The following DIXDC1 variants were observed in gnomAD, a reference collection of about 807,000 sequenced individuals.
DIXDC1 encodes dixin.
DIXDC1 carries 64 observed loss-of-function variants against 103.1 expected under a neutral mutation model. The observed-to-expected ratio is 0.62, with a 90% confidence interval of 0.51 to 0.76. The LOEUF is 0.76. DIXDC1 is among the 30% of genes least tolerant of loss of function. The pLI is 0.00. For synonymous variants in DIXDC1, 266 were observed against 298.5 expected (o/e 0.89, Z 1.12); for missense variants, 759 against 834.2 (o/e 0.91, Z 1.11).
At chr11:111,991,953 A>C (rs782537659) in intron 10 of DIXDC1, among the ~76,000 whole-genome samples, 1 of 152,168 alleles carries the variant, frequency 6.6e-6, no homozygotes, top group Non-Finnish European at 1.5e-5. Flanking sequence ...TAGAAGGAAA[A>C]ACAGCTAATC....
intron 17 of DIXDC1, among the ~76,000 whole-genome samples, chr11:112,014,309 T>A (rs1861520591): frequency 6.6e-6 from 1 of 152,244 alleles, no homozygotes; most frequent in African/African-American, 2.4e-5. Flanking sequence ...TCTTGAACTC[T>A]TACCCTGTCA....
upstream of DIXDC1, among the ~76,000 whole-genome samples, chr11:111,932,713 G>T (rs1966069552): frequency 6.6e-6 from 1 of 152,018 alleles, no homozygotes; most frequent in African/African-American, 2.4e-5. Flanking sequence ...TCACCATTCT[G>T]TCTTTCTCCC....
rs1214178060 is a variant in DIXDC1, at chr11:112,017,480, C to G, written c.1863-297C>G. 3 of 206,926 alleles carry G rather than the reference C, an allele frequency of 1.4e-5. No homozygotes were observed. The highest frequency in any genetic ancestry group is 2.9e-5 in the Non-Finnish European group (3 of 102,808). The allele number at this position is 206,926 out of a possible 1,614,324, so 12.8% of individuals were successfully genotyped here. A position where few individuals can be genotyped will look rare whatever the true frequency, so the allele number is the denominator to read the frequency against. On this transcript the variant is annotated intron_variant, in intron 18 of 19. Transcript: ENST00000440460. The surrounding 1 kb of genome is among the most constrained non-coding windows in gnomAD (Gnocchi z 4.0). Reference sequence around the variant, plus strand: ...CTTTGATATATTTATGGTTATTCAACAAATTTTATTTCAGGGACTTTATAT... The same window carrying G: ...CTTTGATATATTTATGGTTATTCAAGAAATTTTATTTCAGGGACTTTATAT...
intron 6 of DIXDC1, among the ~76,000 whole-genome samples, chr11:111,981,974 G>C (rs1468621737): frequency 6.6e-6 from 1 of 152,188 alleles, no homozygotes; most frequent in Non-Finnish European, 1.5e-5. Context: ...GTAAGATTTT[G>C]TTTTCATTGC....
intron 3 of DIXDC1, among the ~76,000 whole-genome samples, chr11:111,970,402 C>T (rs1403425243): frequency 6.6e-6 from 1 of 152,164 alleles, no homozygotes; most frequent in Non-Finnish European, 1.5e-5. Context: ...CTGAGAGACA[C>T]ATTATGAACA....
rs781913557 is a variant in DIXDC1, at chr11:111,993,570, T to C, written c.1347T>C (p.Ser449=). The change falls in exon 13 of 20, where the codon TCT becomes TCC. Residue 449 remains serine (S), a synonymous_variant. Coordinates refer to ENST00000440460, the MANE Select transcript of DIXDC1 (RefSeq NM_001037954.4). ...TAGAAGAAGCACTCCGGAAACTCTC[T>C]GATGTCAGTTACCACCAGGTCAGAA... is the stretch of plus-strand genomic sequence containing the variant. ...AKLEEALRKL[S]DVSYHQVDLE... is the part of the protein sequence containing the mutation. 2.5e-6 allele frequency: 4 copies of C among 1,613,924 alleles called. No individual in the cohort carries two copies. The highest frequency in any genetic ancestry group is 3.4e-6 in the Non-Finnish European group (4 of 1,179,900).
chr11:111,963,899 T>C (rs1859648982), intron 1 of DIXDC1, among the ~76,000 whole-genome samples: 2 of 152,218 alleles, frequency 1.3e-5, no homozygotes, highest in African/African-American at 4.8e-5. Flanking sequence ...CTTCTTTGTG[T>C]AGATTTTCGG....
rs79090684 is a variant in DIXDC1 at position 111,939,451 on chromosome 11, A to G, written c.60+1892A>G. 9.0e-3 allele frequency among the ~76,000 whole-genome samples: 1,370 copies of G among 152,296 alleles called. 12 individuals are homozygous for G. The highest frequency in any genetic ancestry group is 0.03 in the African/African-American group (1,254 of 41,566). ...TTTTTAATTAATTGATCCCTAGAATAATGCAGTAGTGCCTCTTTTCCTTCT... is the reference window on the plus strand; with the variant it reads ...TTTTTAATTAATTGATCCCTAGAATGATGCAGTAGTGCCTCTTTTCCTTCT... On this transcript the variant is annotated intron_variant, in intron 1 of 19. Transcript: ENST00000440460.
chr11:111,977,405 GC>G lies in DIXDC1; in HGVS notation c.656+2427del. The G allele has an allele frequency of 8.8e-7, 1 of 1,139,682 alleles. No homozygotes were observed. The highest frequency in any genetic ancestry group is 1.1e-6 in the Non-Finnish European group (1 of 926,976). The allele number at this position is 1,139,682 out of a possible 1,614,324, so 70.6% of individuals were successfully genotyped here. ...CTCCCAGTGGGAGATGGGTTGAGAT[GC>G]CCCCGCCAGGGGGGATGCCCGGCAC... On this transcript the variant is annotated intron_variant, in intron 5 of 19. Coordinates refer to ENST00000440460, the MANE Select transcript of DIXDC1 (RefSeq NM_001037954.4). This position sits in a 1 kb window ranked among gnomAD's most constrained non-coding sequence, Gnocchi z 6.1.
chr11:111,938,584 C>T (rs181793930), intron 1 of DIXDC1, among the ~76,000 whole-genome samples: 1 of 152,282 alleles, frequency 6.6e-6, no homozygotes, highest in East Asian at 1.9e-4. Context: ...CTTTGGCTCC[C>T]CCCACCCATT....
chr11:112,008,143 A>G (rs587715588), intron 17 of DIXDC1, among the ~76,000 whole-genome samples: 4 of 152,044 alleles, frequency 2.6e-5, no homozygotes, highest in Non-Finnish European at 5.9e-5. Context: ...AAAAAAAAAA[A>G]AAAAGAAAAG....
chr11:111,937,574 C>T lies in DIXDC1; in HGVS notation c.60+15C>T. The T allele has an allele frequency of 1.9e-6, 3 of 1,576,438 alleles. No homozygotes were observed. The highest frequency in any genetic ancestry group is 2.6e-6 in the Non-Finnish European group (3 of 1,160,668). Reference sequence around the variant, plus strand: ...GCTTCAATGAGGTAACTGTCCTGCTCCTCCCACTCCTCAGCTCCCCTCCCC... The same window carrying T: ...GCTTCAATGAGGTAACTGTCCTGCTTCTCCCACTCCTCAGCTCCCCTCCCC... On this transcript the variant is annotated intron_variant, in intron 1 of 19. Transcript: ENST00000440460.
chr11:111,942,317 G>T (rs587686716), intron 1 of DIXDC1, among the ~76,000 whole-genome samples: 2 of 152,304 alleles, frequency 1.3e-5, no homozygotes, highest in Admixed American at 1.3e-4. Context: ...TCCCCGAGGC[G>T]GTTCAGAGGA....
chr11:111,995,435 C>A lies in DIXDC1; in HGVS notation c.1560C>A (p.Leu520=), dbSNP rs781917486. 3.1e-6 allele frequency: 5 copies of A among 1,613,446 alleles called. No homozygotes were observed. The highest frequency in any genetic ancestry group is 4.2e-6 in the Non-Finnish European group (5 of 1,179,900). Residue 520 remains leucine (L), a synonymous_variant, in exon 16 of 20, where the codon CTC becomes CTA. Transcript: ENST00000440460. ...ACCTGCAGCTTGTTCGAGATGCTCTCCGCAGCCTGCGCAACAGCTTCAGTG... is the reference window on the plus strand; with the variant it reads ...ACCTGCAGCTTGTTCGAGATGCTCTACGCAGCCTGCGCAACAGCTTCAGTG... ...TSDLQLVRDA[L]RSLRNSFSGH...
chr11:111,962,675 T>C (rs587747154), intron 1 of DIXDC1, among the ~76,000 whole-genome samples: 1 of 152,230 alleles, frequency 6.6e-6, no homozygotes, highest in African/African-American at 2.4e-5. Context: ...TTGAGGATAA[T>C]TGGAGACAAG....
intron 17 of DIXDC1, among the ~76,000 whole-genome samples, chr11:112,016,482 G>A (rs587673537): frequency 2.0e-5 from 3 of 152,252 alleles, no homozygotes; most frequent in East Asian, 3.9e-4. Flanking sequence ...GAGGAGTGAT[G>A]AGTCCTCGCG....
chr11:112,011,151 A>T (rs1861407865), intron 17 of DIXDC1, among the ~76,000 whole-genome samples: 1 of 152,266 alleles, frequency 6.6e-6, no homozygotes, highest in Non-Finnish European at 1.5e-5. Context: ...AAGGATATGA[A>T]TAGACACTTC....
chr11:112,011,738 G>T (rs587687449), intron 17 of DIXDC1, among the ~76,000 whole-genome samples: 1 of 152,060 alleles, frequency 6.6e-6, no homozygotes, highest in East Asian at 1.9e-4. Context: ...TCACTCATAG[G>T]TGGGAATTGA....
intron 1 of DIXDC1, among the ~76,000 whole-genome samples, chr11:111,944,050 G>C (rs1966512195): frequency 6.6e-6 from 1 of 152,190 alleles, no homozygotes; most frequent in Admixed American, 6.5e-5. Flanking sequence ...AAATACAATA[G>C]GGTGTTTACT....
Sources: gnomAD v4.1 joint callset for allele counts (sites outside exome capture counted in the v4.1 genomes callset) on GRCh38, gnomAD v4.1.1 for gene constraint, Gnocchi (gnomAD v3.1) non-coding constraint, MANE v1.5 for transcripts, NCBI Gene and HGNC (gene_info 2026-07-23, HGNC 2026-07-21) for gene names.